Variants in PTPRD observed in about 807,000 individuals in gnomAD.
PTPRD encodes the protein protein tyrosine phosphatase receptor type D.
PTPRD carries 34 observed loss-of-function variants against 214.5 expected under a neutral mutation model. The ratio of observed to expected loss-of-function variants is 0.16; its 90% CI spans 0.12 to 0.21. The LOEUF (loss-of-function observed/expected upper bound fraction) is 0.21, where lower values mean the gene tolerates loss of function less well. Among genes scored for constraint, PTPRD ranks in the 10% least tolerant of loss-of-function variants. The pLI is 1.00. For synonymous variants in PTPRD, 1,128 were observed against 845.7 expected (o/e 1.33, Z -5.79); for missense variants, 2,545 against 2,398.7 (o/e 1.06, Z -1.27).
chr9:8,580,630 AT>A (rs1184711962), intron 14 of PTPRD, among the ~76,000 whole-genome samples: 4 of 152,164 alleles, frequency 2.6e-5, no homozygotes, highest in Non-Finnish European at 5.9e-5. Flanking sequence ...TTATGACACC[AT>A]TTTTAGCACT....
At chr9:9,317,708 TC>T (rs1446856469) in intron 9 of PTPRD, among the ~76,000 whole-genome samples, 1 of 152,122 alleles carries the variant, frequency 6.6e-6, no homozygotes, top group East Asian at 1.9e-4. Context: ...TAATAATTTT[TC>T]TATGCAATAA....
chr9:9,857,587 G>T (rs10978039), intron 5 of PTPRD, among the ~76,000 whole-genome samples: 1 of 152,050 alleles, frequency 6.6e-6, no homozygotes, highest in Non-Finnish European at 1.5e-5. Flanking sequence ...TAAAATCATG[G>T]AGTCCATATT....
chr9:8,370,027 G>C (rs764698868), intron 39 of PTPRD, among the ~76,000 whole-genome samples: 2 of 152,018 alleles, frequency 1.3e-5, no homozygotes, highest in Non-Finnish European at 2.9e-5. Flanking sequence ...AGGCTCAAAA[G>C]TGGAACAAAA....
intron 3 of PTPRD, among the ~76,000 whole-genome samples, chr9:10,182,325 AT>A (rs2099302054): frequency 2.0e-5 from 3 of 151,312 alleles, no homozygotes; most frequent in East Asian, 1.9e-4. Flanking sequence ...AAAATGATAG[AT>A]TTTTAACCAA....
intron 3 of PTPRD, among the ~76,000 whole-genome samples, chr9:10,147,261 GTTCT>G (rs1464222584): frequency 7.2e-6 from 1 of 138,342 alleles, no homozygotes; most frequent in Admixed American, 7.2e-5. Flanking sequence ...ACAACATATA[GTTCT>G]TTTTTTTTAT....
intron 3 of PTPRD, among the ~76,000 whole-genome samples, chr9:10,333,178 G>A (rs2096782401): frequency 6.6e-6 from 1 of 151,780 alleles, no homozygotes; most frequent in African/African-American, 2.4e-5. Context: ...GGAAGTAAGA[G>A]TTGTGTTCTG....
At chr9:8,661,186 A>G (rs2097041720) in intron 12 of PTPRD, among the ~76,000 whole-genome samples, 1 of 152,086 alleles carries the variant, frequency 6.6e-6, no homozygotes, top group Non-Finnish European at 1.5e-5. Flanking sequence ...GGACATAAAG[A>G]TCTACCTGGC....
At chr9:9,603,725 T>G (rs764227721) in intron 7 of PTPRD, among the ~76,000 whole-genome samples, 2 of 152,160 alleles carry the variant, frequency 1.3e-5, no homozygotes, top group Admixed American at 6.6e-5. Flanking sequence ...CCCCACCATG[T>G]GTGGAAAAGT....
In PTPRD at chr9:8,521,535, G is replaced by C. The variant is rs573451654; in HGVS notation, c.703C>G (p.Pro235Ala). 1.9e-6 allele frequency: 3 copies of C among 1,613,292 alleles called. No individual in the cohort carries two copies. The South Asian group carries it at 3.3e-5, about 18-fold the overall frequency. Residue 235 changes from proline (P) to alanine (A), a missense_variant, in exon 20 of 46, where the codon CCA (proline) becomes GCA (alanine). Pro to Ala is a conservative substitution (Grantham distance 27). Coordinates refer to ENST00000381196, the MANE Select transcript of PTPRD (RefSeq NM_002839.4). ...GTGGGTGGGATAGAGAATCTTGGTGGGACACGGCGAACTGGAACAAAACAC... is the reference window on the plus strand; with the variant it reads ...GTGGGTGGGATAGAGAATCTTGGTGCGACACGGCGAACTGGAACAAAACAC... Reference protein sequence around the residue: ...VRELREVRRVPPRFSIPPTNH... With the variant: ...VRELREVRRVAPRFSIPPTNH...
chr9:9,886,216 G>A (rs1317985404), intron 5 of PTPRD, among the ~76,000 whole-genome samples: 1 of 152,008 alleles, frequency 6.6e-6, no homozygotes, highest in Non-Finnish European at 1.5e-5. Flanking sequence ...ATCAATACAT[G>A]TCTGGCTGCA....
intron 11 of PTPRD, among the ~76,000 whole-genome samples, chr9:8,983,413 A>G (rs1427416364): frequency 6.6e-6 from 1 of 152,100 alleles, no homozygotes; most frequent in Non-Finnish European, 1.5e-5. Flanking sequence ...TCCTGTAGTA[A>G]TAGCAAGAGT....
intron 11 of PTPRD, among the ~76,000 whole-genome samples, chr9:8,894,798 T>A: frequency 6.6e-6 from 1 of 152,138 alleles, no homozygotes; most frequent in East Asian, 1.9e-4. Context: ...TTTTATGATA[T>A]GTCCTTGTTG....
At chr9:10,113,625 T>C (rs1358594508) in intron 3 of PTPRD, among the ~76,000 whole-genome samples, 1 of 152,142 alleles carries the variant, frequency 6.6e-6, no homozygotes, top group Non-Finnish European at 1.5e-5. Flanking sequence ...CAGCGAGAGA[T>C]GAAGCAAAGC....
At chr9:10,075,676 T>TC (rs1196059900) in intron 3 of PTPRD, among the ~76,000 whole-genome samples, 3 of 151,786 alleles carry the variant, frequency 2.0e-5, no homozygotes, top group African/African-American at 7.3e-5. Flanking sequence ...TCTCTCATTT[T>TC]CTGGGGGGGA....
intron 3 of PTPRD, among the ~76,000 whole-genome samples, chr9:10,168,797 A>G (rs975833037): frequency 1.3e-5 from 2 of 152,212 alleles, no homozygotes. Context: ...TCTCTTTCTG[A>G]AAAATGAAGT....
chr9:9,737,595 C>G (rs2098323392), intron 6 of PTPRD, among the ~76,000 whole-genome samples: 1 of 152,146 alleles, frequency 6.6e-6, no homozygotes, highest in African/African-American at 2.4e-5. Flanking sequence ...TGGAATCACA[C>G]AACATGTGAC....
chr9:10,562,786 T>C (rs2064370009), intron 2 of PTPRD, among the ~76,000 whole-genome samples: 1 of 152,182 alleles, frequency 6.6e-6, no homozygotes, highest in South Asian at 2.1e-4. Context: ...GTTCCATTTC[T>C]GAGCCACCTT....
intron 11 of PTPRD, among the ~76,000 whole-genome samples, chr9:8,785,869 A>G (rs1183974802): frequency 6.6e-6 from 1 of 152,256 alleles, no homozygotes; most frequent in East Asian, 1.9e-4. Flanking sequence ...CCTGTAATGT[A>G]TTACAGATGG....
At chr9:9,947,563 T>TTTATATATA (rs2092910809) in intron 4 of PTPRD, among the ~76,000 whole-genome samples, 2 of 41,084 alleles carry the variant, frequency 4.9e-5, no homozygotes, top group Non-Finnish European at 3.7e-5. Flanking sequence ...ATATATATAT[T>TTTATATATA]TTATATATAT....
Sources: allele counts gnomAD v4.1 joint callset (sites outside exome capture counted in the v4.1 genomes callset), GRCh38; gene constraint gnomAD v4.1.1; transcripts MANE v1.5; gene names NCBI Gene and HGNC (gene_info 2026-07-23, HGNC 2026-07-21).